FGF14: variants seen among roughly 807,000 people sequenced by gnomAD.
The protein encoded by FGF14 is fibroblast growth factor homologous factor 4.
FGF14 carries 5 observed loss-of-function variants against 25.5 expected under a neutral mutation model. The ratio of observed to expected loss-of-function variants is 0.20; its 90% confidence interval spans 0.10 to 0.41. FGF14 has a LOEUF of 0.41. Among genes scored for constraint, FGF14 ranks in the 10% least tolerant of loss-of-function variants. The pLI is 1.00. For missense variants in FGF14, 222 were observed against 320.1 expected (o/e 0.69, Z 2.34); for synonymous variants, 138 against 118.3 (o/e 1.17, Z -1.08).
At chr13:102,380,179 C>A (rs570421409) in intron 1 of FGF14, among the ~76,000 whole-genome samples, 6 of 150,156 alleles carry the variant, frequency 4.0e-5, no homozygotes, top group African/African-American at 1.0e-4. Context: ...AACTGACATT[C>A]CATGGAACTG....
chr13:102,346,818 T>C (rs1056196281), intron 1 of FGF14, among the ~76,000 whole-genome samples: 1 of 152,194 alleles, frequency 6.6e-6, no homozygotes, highest in Non-Finnish European at 1.5e-5. Context: ...AAATGCATCA[T>C]GTGACTAGCG....
chr13:101,974,024 T>C (rs1322888148), intron 1 of FGF14, among the ~76,000 whole-genome samples: 1 of 152,242 alleles, frequency 6.6e-6, no homozygotes, highest in African/African-American at 2.4e-5. Context: ...ATTGCAATCT[T>C]TGAATGATGT....
intron 1 of FGF14, among the ~76,000 whole-genome samples, chr13:102,157,199 A>G (rs532129200): frequency 1.4e-4 from 21 of 152,346 alleles, no homozygotes; most frequent in African/African-American, 1.7e-4. Context: ...CACATTTCCA[A>G]GTCAATCCTA....
chr13:102,092,199 A>T (rs2044196373), intron 1 of FGF14, among the ~76,000 whole-genome samples: 1 of 152,210 alleles, frequency 6.6e-6, no homozygotes, highest in Non-Finnish European at 1.5e-5. Flanking sequence ...CATTCCTGGG[A>T]AAGTTAGCAC....
Position 101,721,997 on chromosome 13 carries a change from A to G in FGF14, c.*834T>C, listed in dbSNP as rs2035025474. 1 of 151,948 alleles carries G rather than the reference A, an allele frequency of 6.6e-6. No homozygotes were observed. Among genetic ancestry groups the G allele is most frequent in the Non-Finnish European group, 1.5e-5 (1 of 67,984 alleles). 9.4% of individuals were successfully genotyped at this position (151,948 alleles called of 1,614,324 possible). A position where few individuals can be genotyped will look rare whatever the true frequency, so the allele number is the denominator to read the frequency against. Reference sequence around the variant, plus strand: ...CTCGCTGGGCAAGGCAAATGTTACCATTACCAGTAAGCTTGTGATATGTAT... The same window carrying G: ...CTCGCTGGGCAAGGCAAATGTTACCGTTACCAGTAAGCTTGTGATATGTAT... On this transcript the variant is annotated 3_prime_UTR_variant, in exon 5 of 5. Coordinates refer to ENST00000376143, the MANE Select transcript of FGF14 (RefSeq NM_004115.4).
intron 1 of FGF14, among the ~76,000 whole-genome samples, chr13:102,192,892 A>G (rs1235640822): frequency 1.2e-4 from 18 of 152,188 alleles, no homozygotes; most frequent in Non-Finnish European, 2.6e-4. Flanking sequence ...CTAGAAAGAT[A>G]GATAATTCCC....
At chr13:101,923,354 G>T (rs1048580083) in intron 1 of FGF14, among the ~76,000 whole-genome samples, 1 of 152,044 alleles carries the variant, frequency 6.6e-6, no homozygotes, top group African/African-American at 2.4e-5. Flanking sequence ...AATTAAAGAT[G>T]ATATATATTG....
rs568377469 is a variant in FGF14 at position 102,094,339 on chromosome 13, T to A, written c.209-219043A>T. Among the ~76,000 whole-genome samples, 25 of 152,146 alleles carry A rather than the reference T, an allele frequency of 1.6e-4. No individual in the cohort carries two copies. In the South Asian group the frequency reaches 4.8e-3, roughly 29 times the overall value. On this transcript the variant is annotated intron_variant, in intron 1 of 4. Transcript: ENST00000376131. Reference sequence around the variant, plus strand: ...TACCAGCAAAGGATGGTTTGATAATTTTAGGAAGAGATTTGTTTTAAAAAT... The same window carrying A: ...TACCAGCAAAGGATGGTTTGATAATATTAGGAAGAGATTTGTTTTAAAAAT...
At chr13:102,126,112 G>T (rs2045938011) in intron 1 of FGF14, among the ~76,000 whole-genome samples, 1 of 152,072 alleles carries the variant, frequency 6.6e-6, no homozygotes, top group African/African-American at 2.4e-5. Context: ...ATACAGTTCA[G>T]TGGCATTAAT....
intron 3 of FGF14, among the ~76,000 whole-genome samples, chr13:101,811,224 G>T (rs956954245): frequency 2.6e-5 from 4 of 152,098 alleles, no homozygotes; most frequent in Admixed American, 6.6e-5. Context: ...CTATCACACA[G>T]AATATTTTCA....
intron 1 of FGF14, among the ~76,000 whole-genome samples, chr13:102,355,106 C>T (rs544444689): frequency 6.6e-6 from 1 of 152,256 alleles, no homozygotes; most frequent in African/African-American, 2.4e-5. Flanking sequence ...TATCTACTAC[C>T]TATTACTTAA....
At chr13:102,382,871 A>G (rs1424104414) in intron 1 of FGF14, among the ~76,000 whole-genome samples, 2 of 152,160 alleles carry the variant, frequency 1.3e-5, no homozygotes, top group Non-Finnish European at 1.5e-5. Flanking sequence ...GAATGATTCC[A>G]TTCTTATGAA....
intron 3 of FGF14, among the ~76,000 whole-genome samples, chr13:101,731,988 T>C (rs2035842413): frequency 6.6e-6 from 1 of 152,178 alleles, no homozygotes; most frequent in African/African-American, 2.4e-5. Context: ...AAGGTAAAAT[T>C]TGAGGACTTT....
At chr13:102,360,869 G>A (rs941837269) in intron 1 of FGF14, among the ~76,000 whole-genome samples, 12 of 151,732 alleles carry the variant, frequency 7.9e-5, no homozygotes, top group Admixed American at 7.2e-4. Context: ...ATACTTGTGC[G>A]TGCACACACA....
intron 3 of FGF14, among the ~76,000 whole-genome samples, chr13:101,748,065 T>G (rs946375139): frequency 6.6e-6 from 1 of 151,944 alleles, no homozygotes; most frequent in Non-Finnish European, 1.5e-5. Context: ...CGGAGATATC[T>G]CAAAGAACTA....
intron 1 of FGF14, among the ~76,000 whole-genome samples, chr13:102,184,899 TAAC>T (rs1467430566): frequency 6.6e-6 from 1 of 152,198 alleles, no homozygotes. Flanking sequence ...TCATTTATAA[TAAC>T]AGTGAGAAAT....
chr13:102,074,987 T>G (rs1406500039), intron 1 of FGF14, among the ~76,000 whole-genome samples: 1 of 152,174 alleles, frequency 6.6e-6, no homozygotes, highest in African/African-American at 2.4e-5. Flanking sequence ...AGGGAAAAGT[T>G]GAAAGCTTTT....
intron 1 of FGF14, among the ~76,000 whole-genome samples, chr13:101,991,843 A>G (rs1459407143): frequency 6.6e-6 from 1 of 152,132 alleles, no homozygotes; most frequent in Admixed American, 6.6e-5. Context: ...TTTTACCTCC[A>G]GCAGCTTTGT....
At chr13:102,128,564 C>T (rs1269196883) in intron 1 of FGF14, among the ~76,000 whole-genome samples, 1 of 152,182 alleles carries the variant, frequency 6.6e-6, no homozygotes, top group African/African-American at 2.4e-5. Flanking sequence ...AATGTGAGTG[C>T]TAATTCTGAA....
Sources: allele counts gnomAD v4.1 joint callset (sites outside exome capture counted in the v4.1 genomes callset), GRCh38; gene constraint gnomAD v4.1.1; transcripts MANE v1.5; gene names NCBI Gene and HGNC (gene_info 2026-07-23, HGNC 2026-07-21).